Variants in MCTP1 observed in about 807,000 individuals in gnomAD.
The protein encoded by MCTP1 is multiple C2 and transmembrane domain-containing protein 1.
In MCTP1, 69 loss-of-function variants were observed where a neutral mutation model predicts 120.6. The ratio of observed to expected loss-of-function variants is 0.57; its 90% confidence interval spans 0.47 to 0.70. MCTP1 has a LOEUF of 0.70. Among genes scored for constraint, MCTP1 ranks in the 30% least tolerant of loss-of-function variants. MCTP1 has a pLI of 0.00. For missense variants in MCTP1, 1,203 were observed against 1,248.8 expected, an observed-to-expected ratio of 0.96 and a Z score of 0.55; for synonymous variants, 529 against 493.1, an observed-to-expected ratio of 1.07 and a Z score of -0.96.
chr5:95,157,189 T>C (rs1013270255), intron 1 of MCTP1, among the ~76,000 whole-genome samples: 2 of 152,196 alleles, frequency 1.3e-5, no homozygotes, highest in Non-Finnish European at 2.9e-5. Flanking sequence ...TCAGAAAGAC[T>C]ATGAAAATCC....
chr5:94,929,858 C>T (rs1814104737), intron 6 of MCTP1, among the ~76,000 whole-genome samples: 1 of 152,132 alleles, frequency 6.6e-6, no homozygotes, highest in Admixed American at 6.6e-5. Flanking sequence ...AGTATGTTCT[C>T]ACAGAAAAGA....
intron 1 of MCTP1, among the ~76,000 whole-genome samples, chr5:95,046,911 C>G (rs1375942793): frequency 6.6e-6 from 1 of 152,252 alleles, no homozygotes; most frequent in South Asian, 2.1e-4. Context: ...TCATGAAAGA[C>G]TACGTTCATG....
At chr5:95,203,433 G>A (rs1451934348) in intron 1 of MCTP1, among the ~76,000 whole-genome samples, 1 of 152,204 alleles carries the variant, frequency 6.6e-6, no homozygotes, top group Non-Finnish European at 1.5e-5. Flanking sequence ...AATTAGGTAT[G>A]AGTGTCTCTA....
intron 1 of MCTP1, among the ~76,000 whole-genome samples, chr5:95,262,769 A>G (rs1758573547): frequency 6.6e-6 from 1 of 152,230 alleles, no homozygotes; most frequent in African/African-American, 2.4e-5. Context: ...TTAACAAAAT[A>G]TCAAAACTCT....
intron 1 of MCTP1, among the ~76,000 whole-genome samples, chr5:95,203,738 G>T (rs917471594): frequency 6.6e-6 from 1 of 152,180 alleles, no homozygotes; most frequent in Non-Finnish European, 1.5e-5. Context: ...TAATACTTTT[G>T]CTGTTTGAAA....
At chr5:95,112,133 G>T (rs1173079125) in intron 1 of MCTP1, among the ~76,000 whole-genome samples, 5 of 152,142 alleles carry the variant, frequency 3.3e-5, no homozygotes, top group African/African-American at 1.2e-4. Context: ...ATGTCTAGAC[G>T]ATAATACAGA....
chr5:94,766,569 G>A (rs1014610511), intron 19 of MCTP1, among the ~76,000 whole-genome samples: 1 of 151,978 alleles, frequency 6.6e-6, no homozygotes, highest in Non-Finnish European at 1.5e-5. Flanking sequence ...TATACCTAAT[G>A]CTAAATGACG....
intron 6 of MCTP1, among the ~76,000 whole-genome samples, chr5:94,924,389 T>C (rs951599148): frequency 9.6e-4 from 146 of 152,300 alleles, no homozygotes; most frequent in African/African-American, 3.2e-3. Context: ...TGTTAACCAT[T>C]GAACTTCAGA....
chr5:95,062,722 G>C (rs1749561343), intron 1 of MCTP1, among the ~76,000 whole-genome samples: 1 of 152,120 alleles, frequency 6.6e-6, no homozygotes, highest in African/African-American at 2.4e-5. Flanking sequence ...TACATTCCAA[G>C]GTGTACTGCA....
intron 3 of MCTP1, among the ~76,000 whole-genome samples, chr5:94,945,935 G>A (rs915730208): frequency 1.3e-5 from 2 of 152,200 alleles, no homozygotes; most frequent in African/African-American, 4.8e-5. Context: ...CAAGAGAAGA[G>A]TGCTGGAACA....
intron 2 of MCTP1, among the ~76,000 whole-genome samples, chr5:95,004,547 T>G (rs1452738358): frequency 6.6e-6 from 1 of 152,236 alleles, no homozygotes; most frequent in East Asian, 1.9e-4. Context: ...CCCAGGGCCC[T>G]GCTTCTCTGT....
intron 19 of MCTP1, among the ~76,000 whole-genome samples, chr5:94,742,904 C>T (rs966099382): frequency 5.3e-5 from 8 of 151,974 alleles, no homozygotes; most frequent in South Asian, 2.1e-4. Context: ...GGGGAGATAA[C>T]GAAAATGAAT....
At chr5:95,059,330 T>A (rs1748289806) in intron 1 of MCTP1, among the ~76,000 whole-genome samples, 1 of 152,160 alleles carries the variant, frequency 6.6e-6, no homozygotes, top group South Asian at 2.1e-4. Flanking sequence ...AAGTATTGCA[T>A]GTTGTCACTT....
chr5:94,749,651 T>C (rs1449404246), intron 19 of MCTP1, among the ~76,000 whole-genome samples: 2 of 49,386 alleles, frequency 4.0e-5, no homozygotes, highest in Admixed American at 3.9e-4. Flanking sequence ...CAAGACTTCA[T>C]CTCAAAAAAA....
intron 1 of MCTP1, among the ~76,000 whole-genome samples, chr5:95,210,511 G>C (rs1266244475): frequency 1.4e-5 from 2 of 147,726 alleles, no homozygotes; most frequent in African/African-American, 5.0e-5. Flanking sequence ...GCCTTTTTTT[G>C]TTTTCCATTT....
intron 1 of MCTP1, among the ~76,000 whole-genome samples, chr5:95,129,786 G>A (rs541073152): frequency 1.3e-5 from 2 of 152,102 alleles, no homozygotes; most frequent in South Asian, 2.1e-4. Flanking sequence ...CCAGTCTCCC[G>A]AGTAGCTGGG....
chr5:94,847,676 G>GTATA (rs1457954338), intron 17 of MCTP1, among the ~76,000 whole-genome samples: 43 of 132,562 alleles, frequency 3.2e-4, no homozygotes, highest in African/African-American at 1.2e-3. Flanking sequence ...GTGTGTGTGT[G>GTATA]TGTGTGTATA....
At chr5:94,979,654 T>G (rs1247385784) in intron 2 of MCTP1, 1 of 151,958 alleles carries the variant, frequency 6.6e-6, no homozygotes, top group Non-Finnish European at 1.5e-5. Context: ...TCTTCCCATG[T>G]GGGATTCTTA....
intron 17 of MCTP1, chr5:94,867,204 CAGAG>C (rs1304880219): frequency 2.2e-6 from 3 of 1,379,766 alleles, no homozygotes; most frequent in Admixed American, 2.8e-5. Flanking sequence ...CTGAGAGAGA[CAGAG>C]AGAGAGAGAT....
Sources: gnomAD v4.1 joint callset for allele counts (sites outside exome capture counted in the v4.1 genomes callset) on GRCh38, gnomAD v4.1.1 for gene constraint, MANE v1.5 for transcripts, NCBI Gene and HGNC (gene_info 2026-07-23, HGNC 2026-07-21) for gene names.